TNKS: variants seen among roughly 807,000 people sequenced by gnomAD.
TNKS encodes poly [ADP-ribose] polymerase tankyrase-1.
In TNKS, 72 loss-of-function variants were observed where a neutral mutation model predicts 135.8. The observed-to-expected ratio is 0.53, with a 90% CI of 0.44 to 0.64. The LOEUF (loss-of-function observed/expected upper bound fraction) is 0.64, where lower values mean the gene tolerates loss of function less well. Ranked by LOEUF, TNKS falls within the 30% of genes least tolerant of loss-of-function variation. The pLI is 0.00. For synonymous variants in TNKS, 849 were observed against 649.3 expected, an observed-to-expected ratio of 1.31 and a Z score of -4.68; for missense variants, 1,769 against 1,674.0, an observed-to-expected ratio of 1.06 and a Z score of -0.99.
Position 9,706,952 on chromosome 8 carries a change from G to A in TNKS, c.1411G>A (p.Ala471Thr), listed in dbSNP as rs1465943744. ...PTLVNCHGKS[A>T]VDMAPTPELR... The stretch of plus-strand genomic sequence containing the variant: ...ATTAGTCAACTGCCATGGCAAAAGT[G>A]CTGTGGATATGGCTCCAACTCCGGA... The change falls in exon 8 of 27, where the codon GCT becomes ACT. Residue 471 changes from alanine (A) to threonine (T), a missense_variant. Physicochemically the swap from Ala to Thr is moderately conservative, Grantham distance 58. Coordinates refer to ENST00000310430, the MANE Select transcript of TNKS (RefSeq NM_003747.3). 1.2e-6 allele frequency: 2 copies of A among 1,612,838 alleles called. No individual in the cohort carries two copies. The highest frequency in any genetic ancestry group is 1.1e-5 in the South Asian group (1 of 90,860).
chr8:9,660,837 C>T (rs910960817), intron 3 of TNKS, among the ~76,000 whole-genome samples: 4 of 152,128 alleles, frequency 2.6e-5, no homozygotes, highest in African/African-American at 9.6e-5. Context: ...TCTAGAAAAC[C>T]CCATCGTTTC....
chr8:9,655,969 G>A (rs867466781), intron 3 of TNKS, among the ~76,000 whole-genome samples: 8 of 152,096 alleles, frequency 5.3e-5, no homozygotes, highest in African/African-American at 1.4e-4. Context: ...GGTTTGAACC[G>A]ATGGCAAAGA....
chr8:9,695,088 T>G (rs1309172538), intron 5 of TNKS, among the ~76,000 whole-genome samples: 3 of 152,182 alleles, frequency 2.0e-5, no homozygotes, highest in African/African-American at 7.2e-5. Flanking sequence ...TCCATTTGGA[T>G]TAAGTATGTG....
intron 12 of TNKS, among the ~76,000 whole-genome samples, chr8:9,725,668 G>A (rs879507623): frequency 7.2e-5 from 11 of 152,198 alleles, no homozygotes; most frequent in Non-Finnish European, 1.3e-4. Context: ...CAAAGTTGTA[G>A]ATTATAGAGC....
At chr8:9,708,335 C>T (rs1804152393) in intron 8 of TNKS, 36 bp from the exon 9 acceptor site, 1 of 1,479,924 alleles carries the variant, frequency 6.8e-7, no homozygotes, top group East Asian at 2.4e-5. Flanking sequence ...TACATTTTTA[C>T]ATCTTTTTTT....
intron 2 of TNKS, among the ~76,000 whole-genome samples, chr8:9,590,709 A>G (rs966603555): frequency 1.3e-5 from 2 of 152,164 alleles, no homozygotes; most frequent in Admixed American, 6.5e-5. Flanking sequence ...TGCCATTTGT[A>G]TGTATTCTTT....
At chr8:9,730,439 C>T (rs7016839) in intron 13 of TNKS, among the ~76,000 whole-genome samples, 106,531 of 151,896 alleles carry the variant, frequency 0.7, 37,885 homozygotes, top group Admixed American at 0.8. Context: ...AAAAATAATT[C>T]TCCAGACCCT....
chr8:9,619,511 T>G (rs1487943250), intron 3 of TNKS, among the ~76,000 whole-genome samples: 1 of 152,210 alleles, frequency 6.6e-6, no homozygotes, highest in Non-Finnish European at 1.5e-5. Flanking sequence ...GTCACAGCAT[T>G]GCTAAGATGG....
intron 3 of TNKS, among the ~76,000 whole-genome samples, chr8:9,651,056 C>T (rs1055346430): frequency 6.6e-6 from 1 of 151,882 alleles, no homozygotes; most frequent in African/African-American, 2.4e-5. Flanking sequence ...ATACCAACAC[C>T]ATTTGTTAAC....
intron 25 of TNKS, among the ~76,000 whole-genome samples, chr8:9,768,752 G>C (rs916900505): frequency 6.6e-6 from 1 of 152,226 alleles, no homozygotes; most frequent in Non-Finnish European, 1.5e-5. Flanking sequence ...TGTAGAGAGA[G>C]ATGGAGCTCA....
chr8:9,764,584 A>C, intron 22 of TNKS, 132 bp from the exon 23 acceptor site: 2 of 511,854 alleles, frequency 3.9e-6, no homozygotes, highest in South Asian at 8.8e-5. Context: ...CACCAAAAAT[A>C]CTTATCCACT....
intron 25 of TNKS, among the ~76,000 whole-genome samples, chr8:9,767,107 T>TA: frequency 6.6e-6 from 1 of 152,200 alleles, no homozygotes; most frequent in Non-Finnish European, 1.5e-5. Context: ...CACACTTCTA[T>TA]AAAAAACATA....
At chr8:9,601,667 T>C (rs564363512) in intron 2 of TNKS, among the ~76,000 whole-genome samples, 29 of 152,320 alleles carry the variant, frequency 1.9e-4, no homozygotes, top group African/African-American at 6.5e-4. Flanking sequence ...TTTCCTGTTA[T>C]TAAGGTAGCT....
At chr8:9,665,075 A>G (rs1221327076) in intron 3 of TNKS, among the ~76,000 whole-genome samples, 4 of 152,308 alleles carry the variant, frequency 2.6e-5, no homozygotes, top group Non-Finnish European at 5.9e-5. Flanking sequence ...GACCTTTCCT[A>G]TACTCACCAC....
At chr8:9,717,101 A>ATATATATATATATATATAT (rs1454492300) in intron 11 of TNKS, among the ~76,000 whole-genome samples, 2 of 119,336 alleles carry the variant, frequency 1.7e-5, no homozygotes, top group Admixed American at 8.6e-5. Flanking sequence ...ATATATATAT[A>ATATATATATATATATATAT]TTTTCAGGGA....
chr8:9,758,817 C>T (rs567973561), intron 20 of TNKS, among the ~76,000 whole-genome samples: 1 of 152,330 alleles, frequency 6.6e-6, no homozygotes, highest in Non-Finnish European at 1.5e-5. Flanking sequence ...GCAAACTCAG[C>T]AGCTCAAAAC....
chr8:9,738,989 TGACAGTGGG>T (rs1185023087), intron 17 of TNKS, among the ~76,000 whole-genome samples: 1 of 152,020 alleles, frequency 6.6e-6, no homozygotes, highest in African/African-American at 2.4e-5. Context: ...TGTCTAATAT[TGACAGTGGG>T]GACTTCATGT....
chr8:9,714,119 A>G (rs962265338), intron 11 of TNKS, among the ~76,000 whole-genome samples: 1 of 152,224 alleles, frequency 6.6e-6, no homozygotes, highest in African/African-American at 2.4e-5. Context: ...TGGTATTTTT[A>G]TAAGCCAAAA....
intron 2 of TNKS, among the ~76,000 whole-genome samples, chr8:9,604,884 C>T (rs969043871): frequency 6.6e-6 from 1 of 151,716 alleles, no homozygotes; most frequent in Non-Finnish European, 1.5e-5. Context: ...CTGTATACTT[C>T]AGTACTTCAG....
Sources: gnomAD v4.1 joint callset for allele counts (sites outside exome capture counted in the v4.1 genomes callset) on GRCh38, gnomAD v4.1.1 for gene constraint, MANE v1.5 for transcripts, NCBI Gene and HGNC (gene_info 2026-07-23, HGNC 2026-07-21) for gene names.